Variants in ZNF423 observed in about 807,000 individuals in gnomAD.
The protein encoded by ZNF423 is Ebf-associated zinc finger protein.
In ZNF423, 12 loss-of-function variants were observed where a neutral mutation model predicts 95.8. That is an observed-to-expected ratio of 0.13 (90% CI 0.08 to 0.20). The LOEUF is 0.20. ZNF423 is among the 10% of genes least tolerant of loss of function. The probability of loss-of-function intolerance (pLI) is 1.00; values close to 1 mark genes in which losing one functional copy is unlikely to be tolerated. For missense variants in ZNF423, 1,316 were observed against 1,737.1 expected (o/e 0.76, Z 4.31); for synonymous variants, 749 against 711.9 (o/e 1.05, Z -0.83).
Position 49,636,540 on chromosome 16 carries a change from C to T in ZNF423, c.2636G>A (p.Ser879Asn), listed in dbSNP as rs1972714950. 1 of 1,613,962 alleles carries T rather than the reference C, an allele frequency of 6.2e-7. No homozygotes were observed. The highest frequency in any genetic ancestry group is 8.5e-7 in the Non-Finnish European group (1 of 1,180,034). ...MLLKNPEAPN[S>N]HEASEDDVDA... ...CACGTCATCCTCGCTGGCCTCATGG[C>T]TGTTAGGTGCCTCAGGGTTCTTAAG... Residue 879 changes from serine to asparagine, a missense_variant, in exon 4 of 8, where the codon AGC becomes AAC. By Grantham distance (46) the Ser-to-Asn change is conservative (BLOSUM62 1). Coordinates refer to ENST00000563137, the MANE Select transcript of ZNF423 (RefSeq NM_001379286.1). This position sits in a 1 kb window ranked among gnomAD's most constrained non-coding sequence, Gnocchi z 8.6.
At chr16:49,806,267 G>A (rs2034662154) in intron 1 of ZNF423, among the ~76,000 whole-genome samples, 1 of 152,226 alleles carries the variant, frequency 6.6e-6, no homozygotes, top group South Asian at 2.1e-4. Context: ...ACAACCGCCA[G>A]ATGAAAGTGG....
At chr16:49,747,704 A>T (rs1340862957) in intron 2 of ZNF423, among the ~76,000 whole-genome samples, 5 of 152,178 alleles carry the variant, frequency 3.3e-5, no homozygotes, top group Non-Finnish European at 7.3e-5. Flanking sequence ...TTTTTAGATC[A>T]TAAAAGTTTT....
At chr16:49,767,809 C>T (rs1596987062) in intron 2 of ZNF423, among the ~76,000 whole-genome samples, 2 of 152,206 alleles carry the variant, frequency 1.3e-5, no homozygotes, top group African/African-American at 4.8e-5. Flanking sequence ...CAGGCCAATA[C>T]GCACTGTCTG....
intron 7 of ZNF423, among the ~76,000 whole-genome samples, chr16:49,515,620 C>T (rs117861157): frequency 0.036 from 5,446 of 152,278 alleles, 149 homozygotes; most frequent in Non-Finnish European, 0.051. Flanking sequence ...AGAACAGAGC[C>T]TGGCCCGCAG....
chr16:49,599,121 A>C lies in ZNF423; in HGVS notation c.3601+27049T>G, dbSNP rs574411222. ...CACACATAGACACACACAGACATGC[A>C]CACAACATGCTTGTCTGCCTTTGAA... On this transcript the variant is annotated intron_variant, in intron 5 of 7. Coordinates refer to ENST00000563137, the MANE Select transcript of ZNF423 (RefSeq NM_001379286.1). Among the ~76,000 whole-genome samples the C allele has an allele frequency of 2.0e-5, 3 of 152,322 alleles. No homozygotes were observed. The East Asian group carries it at 5.8e-4, about 29-fold the overall frequency.
chr16:49,618,153 TG>T (rs1486764219), intron 5 of ZNF423, among the ~76,000 whole-genome samples: 1 of 152,238 alleles, frequency 6.6e-6, no homozygotes, highest in Non-Finnish European at 1.5e-5. Flanking sequence ...TCACACTGGC[TG>T]AGTTCAGGTC....
chr16:49,831,827 C>A (rs941887672), intron 1 of ZNF423, among the ~76,000 whole-genome samples: 1 of 151,032 alleles, frequency 6.6e-6, no homozygotes, highest in African/African-American at 2.4e-5. Flanking sequence ...CCCATCTCTA[C>A]TAAAAAAAAA....
intron 3 of ZNF423, among the ~76,000 whole-genome samples, chr16:49,724,386 G>A (rs938944565): frequency 6.6e-6 from 1 of 152,204 alleles, no homozygotes; most frequent in Non-Finnish European, 1.5e-5. Context: ...TTTGCGCCAT[G>A]TGAAGTCAAC....
chr16:49,612,215 C>T (rs1290296583), intron 5 of ZNF423, among the ~76,000 whole-genome samples: 4 of 151,830 alleles, frequency 2.6e-5, no homozygotes, highest in Admixed American at 6.6e-5. Flanking sequence ...CCCTCATAAA[C>T]ACAGATACAA....
intron 7 of ZNF423, among the ~76,000 whole-genome samples, chr16:49,504,674 T>C (rs945123076): frequency 6.6e-6 from 1 of 152,160 alleles, no homozygotes; most frequent in African/African-American, 2.4e-5. Context: ...CATTCCTGGC[T>C]GGAAGGTGCA....
intron 1 of ZNF423, chr16:49,853,622 C>T (rs2035325740): frequency 1.0e-6 from 1 of 985,166 alleles, no homozygotes; most frequent in African/African-American, 1.7e-5. Context: ...TCCTACCAAC[C>T]TGCTTGAACT....
chr16:49,800,896 G>A (rs528868443), intron 1 of ZNF423, among the ~76,000 whole-genome samples: 20 of 152,292 alleles, frequency 1.3e-4, no homozygotes, highest in African/African-American at 3.1e-4. Context: ...AAGGGGAGCC[G>A]TGAACACCCA....
intron 3 of ZNF423, among the ~76,000 whole-genome samples, chr16:49,656,653 A>G (rs1448575536): frequency 1.3e-5 from 2 of 152,224 alleles, no homozygotes; most frequent in Non-Finnish European, 2.9e-5. Context: ...ACACTGAAGA[A>G]TAATTAATAG....
intron 1 of ZNF423, among the ~76,000 whole-genome samples, chr16:49,796,179 G>T (rs1344871418): frequency 1.3e-5 from 2 of 152,098 alleles, no homozygotes; most frequent in Non-Finnish European, 2.9e-5. Context: ...TCCACAGCAG[G>T]TGCATAAGTA....
chr16:49,623,126 G>C (rs140999900), intron 5 of ZNF423, among the ~76,000 whole-genome samples: 49 of 152,270 alleles, frequency 3.2e-4, no homozygotes, highest in African/African-American at 1.1e-3. Flanking sequence ...GTTCCATGCC[G>C]CAGTGAACTG....
intron 3 of ZNF423, among the ~76,000 whole-genome samples, chr16:49,720,252 A>T (rs2032827109): frequency 6.6e-6 from 1 of 152,264 alleles, no homozygotes; most frequent in South Asian, 2.1e-4. Context: ...CAGTGCAAAC[A>T]GTGTGAGGTC....
intron 2 of ZNF423, among the ~76,000 whole-genome samples, chr16:49,744,552 C>T (rs74018917): frequency 0.014 from 2,061 of 152,264 alleles, 51 homozygotes; most frequent in African/African-American, 0.047. Context: ...GTCCCCAGCT[C>T]GGGGTTGGGG....
intron 1 of ZNF423, among the ~76,000 whole-genome samples, chr16:49,816,719 G>A (rs1307339785): frequency 6.6e-6 from 1 of 152,142 alleles, no homozygotes; most frequent in Non-Finnish European, 1.5e-5. Flanking sequence ...GGGAGGTTGA[G>A]GCTGCAGTGA....
chr16:49,672,335 C>T (rs915279557), intron 3 of ZNF423, among the ~76,000 whole-genome samples: 1 of 152,168 alleles, frequency 6.6e-6, no homozygotes, highest in Non-Finnish European at 1.5e-5. Flanking sequence ...CCTGGTGACC[C>T]TGTGGGGTAG....
Sources: allele counts gnomAD v4.1 joint callset (sites outside exome capture counted in the v4.1 genomes callset), GRCh38; gene constraint gnomAD v4.1.1; non-coding constraint Gnocchi (gnomAD v3.1); transcripts MANE v1.5; gene names NCBI Gene and HGNC (gene_info 2026-07-23, HGNC 2026-07-21).